PUDP: variants seen among roughly 807,000 people sequenced by gnomAD.
PUDP encodes pseudouridine-5'-phosphatase.
A neutral mutation model predicts 9.4 loss-of-function variants in PUDP; 8 were observed. That is an observed-to-expected ratio of 0.85 (90% CI 0.50 to 1.53). The LOEUF (loss-of-function observed/expected upper bound fraction) is 1.53, where lower values mean the gene tolerates loss of function less well. Ranked by LOEUF, PUDP falls within the 40% of genes most tolerant of loss-of-function variation. The pLI is 0.00. For synonymous variants in PUDP, 99 were observed against 80.7 expected, an observed-to-expected ratio of 1.23 and a Z score of -1.22; for missense variants, 188 against 189.7, an observed-to-expected ratio of 0.99 and a Z score of 0.05.
At position 6,884,751 on chromosome X, in the gene PUDP, A is replaced by G. The variant is rs770395191; in HGVS notation, c.*247+92382T>C. On this transcript the variant is annotated intron_variant and NMD_transcript_variant, in intron 3 of 3. Transcript: ENST00000655425. The stretch of plus-strand genomic sequence containing the variant: ...TCAAGCCCTGATATCAATTTCAACA[A>G]GGAAGTCACATGCAACTTCCTATCA... Among the ~76,000 whole-genome samples the G allele has an allele frequency of 2.7e-5, 3 of 112,646 alleles. No homozygotes were observed. In the South Asian group the frequency reaches 1.1e-3, roughly 42 times the overall value.
chrX:7,017,217 T>G (rs948202658), intron 1 of PUDP, among the ~76,000 whole-genome samples: 24 of 112,074 alleles, frequency 2.1e-4, no homozygotes, highest in African/African-American at 7.1e-4. Flanking sequence ...TTTCTGAAAT[T>G]AAACATATCG....
intron 1 of PUDP, among the ~76,000 whole-genome samples, chrX:7,112,657 T>C (rs1409243690): frequency 3.6e-5 from 4 of 112,018 alleles, no homozygotes. Context: ...TAGCTGACTG[T>C]GTGTGTGCAC....
At chrX:6,784,564 AC>A (rs2146685648) in intron 3 of PUDP, among the ~76,000 whole-genome samples, 1 of 111,658 alleles carries the variant, frequency 9.0e-6, no homozygotes, top group East Asian at 2.8e-4. Flanking sequence ...TGCAGGAATT[AC>A]CTGTTCATCT....
Position 7,114,503 on chromosome X carries a change from A to AACACCTCTTAGAGACCCC in PUDP, c.62-8683_62-8666dup, listed in dbSNP as rs1932142983. On this transcript the variant is annotated intron_variant, in intron 1 of 3. Coordinates refer to ENST00000381077, the MANE Select transcript of PUDP (RefSeq NM_012080.5). ...CATGAGGGCAGAGCCTTCATGACCC[A>AACACCTCTTAGAGACCCC]ACACCTCTTAGAGACCCCACACCTC... 2.7e-5 allele frequency among the ~76,000 whole-genome samples: 3 copies of AACACCTCTTAGAGACCCC among 111,875 alleles called. No homozygotes were observed. In the Admixed American group the frequency reaches 2.8e-4, roughly 11 times the overall value.
intron 3 of PUDP, among the ~76,000 whole-genome samples, chrX:6,962,895 A>C (rs1179365519): frequency 8.9e-6 from 1 of 112,789 alleles, no homozygotes; most frequent in Non-Finnish European, 1.9e-5. Flanking sequence ...TGCATTATTT[A>C]ATTTATTTTT....
At chrX:7,117,665 G>A (rs1192784799) in intron 1 of PUDP, among the ~76,000 whole-genome samples, 2 of 113,160 alleles carry the variant, frequency 1.8e-5, no homozygotes, top group Non-Finnish European at 3.7e-5. Context: ...GCTTTTTCAG[G>A]AGAGGAATTC....
intron 3 of PUDP, among the ~76,000 whole-genome samples, chrX:6,889,498 G>C (rs1020610214): frequency 9.0e-6 from 1 of 111,449 alleles, no homozygotes; most frequent in African/African-American, 3.3e-5. Flanking sequence ...TATTGAATTT[G>C]ATAGGATTGA....
chrX:7,062,965 T>G (rs1193246777), intron 3 of PUDP, among the ~76,000 whole-genome samples: 2 of 107,351 alleles, frequency 1.9e-5, no homozygotes, highest in Non-Finnish European at 3.9e-5. Flanking sequence ...GTCAAATGTT[T>G]TATTCTGCAA....
chrX:6,855,476 A>G (rs1926891443), intron 3 of PUDP, among the ~76,000 whole-genome samples: 1 of 111,421 alleles, frequency 9.0e-6, no homozygotes, highest in Non-Finnish European at 1.9e-5. Context: ...TAGAGCTGGT[A>G]GCCTTCCCTT....
intron 3 of PUDP, among the ~76,000 whole-genome samples, chrX:6,768,347 C>T (rs1489568332): frequency 1.8e-5 from 2 of 111,868 alleles, no homozygotes; most frequent in Non-Finnish European, 3.8e-5. Context: ...GTGGACAAAC[C>T]ACAGTTCTGC....
At chrX:6,809,249 TATTTA>T (rs1926101901) in intron 3 of PUDP, among the ~76,000 whole-genome samples, 1 of 111,074 alleles carries the variant, frequency 9.0e-6, no homozygotes, top group African/African-American at 3.3e-5. Context: ...ACCTCACATT[TATTTA>T]ATTCATACAT....
intron 3 of PUDP, among the ~76,000 whole-genome samples, chrX:6,932,647 C>G (rs1365999988): frequency 9.0e-6 from 1 of 111,382 alleles, no homozygotes; most frequent in African/African-American, 3.3e-5. Flanking sequence ...GCACCGTGCG[C>G]GAGCCGAAGC....
chrX:7,009,906 G>C (rs868715331), intron 1 of PUDP, among the ~76,000 whole-genome samples: 2 of 111,846 alleles, frequency 1.8e-5, no homozygotes, highest in Non-Finnish European at 3.8e-5. Context: ...CAAGCTAGAA[G>C]AATTGTGTCC....
At chrX:6,809,812 T>G (rs1324215289) in intron 3 of PUDP, among the ~76,000 whole-genome samples, 3 of 111,218 alleles carry the variant, frequency 2.7e-5, no homozygotes, top group Non-Finnish European at 5.7e-5. Flanking sequence ...AAAGAAGACA[T>G]CATGAGACAC....
chrX:6,790,905 G>A (rs775053144), intron 3 of PUDP, among the ~76,000 whole-genome samples: 3 of 111,825 alleles, frequency 2.7e-5, no homozygotes, highest in Non-Finnish European at 3.8e-5. Flanking sequence ...TACATTGTAC[G>A]TAAATTTACA....
chrX:6,793,018 C>T (rs1195899254), intron 3 of PUDP, among the ~76,000 whole-genome samples: 1 of 112,520 alleles, frequency 8.9e-6, no homozygotes, highest in Non-Finnish European at 1.9e-5. Context: ...AGCACTCACT[C>T]TGGACTGGGT....
At chrX:6,831,694 A>T (rs1926505902) in intron 3 of PUDP, among the ~76,000 whole-genome samples, 1 of 112,477 alleles carries the variant, frequency 8.9e-6, no homozygotes, top group Admixed American at 9.4e-5. Context: ...AATGAAAATA[A>T]TCAATATGTA....
intron 2 of PUDP, among the ~76,000 whole-genome samples, chrX:7,082,370 A>G (rs1224510050): frequency 8.9e-6 from 1 of 112,579 alleles, no homozygotes; most frequent in Non-Finnish European, 1.9e-5. Context: ...TGTTCGTGGC[A>G]TTCTTTTGTT....
At chrX:7,043,858 G>A (rs142603318) in intron 1 of PUDP, among the ~76,000 whole-genome samples, 4 of 111,539 alleles carry the variant, frequency 3.6e-5, no homozygotes, top group African/African-American at 9.8e-5. Flanking sequence ...ATAACACCTC[G>A]GATCTTTATC....
Sources: gnomAD v4.1 joint callset for allele counts (sites outside exome capture counted in the v4.1 genomes callset) on GRCh38, gnomAD v4.1.1 for gene constraint, MANE v1.5 for transcripts, NCBI Gene and HGNC (gene_info 2026-07-23, HGNC 2026-07-21) for gene names.